The following DEUP1 variants were observed in gnomAD, a reference collection of about 807,000 sequenced individuals.
The protein encoded by DEUP1 is coiled-coil domain containing 67.
Under a neutral mutation model 87.4 loss-of-function variants are expected in DEUP1, and 82 were observed. The observed-to-expected ratio is 0.94, with a 90% CI of 0.78 to 1.13. DEUP1 has a LOEUF of 1.13. Among genes scored for constraint, DEUP1 ranks in the 50% most tolerant of loss-of-function variants. The pLI is 0.00. For synonymous variants in DEUP1, 214 were observed against 222.7 expected, an observed-to-expected ratio of 0.96 and a Z score of 0.35; for missense variants, 663 against 681.5, an observed-to-expected ratio of 0.97 and a Z score of 0.30.
intron 11 of DEUP1, among the ~76,000 whole-genome samples, chr11:93,400,166 G>T (rs1409255683): frequency 1.3e-5 from 2 of 152,154 alleles, no homozygotes; most frequent in East Asian, 3.8e-4. Flanking sequence ...CATAGTCTCA[G>T]TTTGATAGGG....
rs772239014 is a variant in DEUP1, at chr11:93,332,249, A to T, written c.-11A>T. On this transcript the variant is annotated 5_prime_UTR_variant, in exon 2 of 14. Coordinates refer to ENST00000298050, the MANE Select transcript of DEUP1 (RefSeq NM_181645.4). ...TCAAGAAATATAAACCAGATGTAGC[A>T]GTTTCTTGACATGGAGAACCAAGCC... The T allele has an allele frequency of 1.2e-6, 2 of 1,606,440 alleles. No individual in the cohort carries two copies. The highest frequency in any genetic ancestry group is 1.7e-6 in the Non-Finnish European group (2 of 1,175,416).
chr11:93,387,039 T>A (rs796290376), intron 8 of DEUP1, among the ~76,000 whole-genome samples: 1 of 152,174 alleles, frequency 6.6e-6, no homozygotes, highest in Non-Finnish European at 1.5e-5. Flanking sequence ...CAGTAAAAAC[T>A]TTTTTGTTCT....
At chr11:93,347,712 G>C (rs1443589944) in intron 2 of DEUP1, among the ~76,000 whole-genome samples, 1 of 151,958 alleles carries the variant, frequency 6.6e-6, no homozygotes, top group Non-Finnish European at 1.5e-5. Flanking sequence ...TCTGTTCAGA[G>C]ATTCAGTTTT....
chr11:93,428,653 A>T (rs1291170108), intron 13 of DEUP1, among the ~76,000 whole-genome samples: 1 of 152,156 alleles, frequency 6.6e-6, no homozygotes, highest in African/African-American at 2.4e-5. Flanking sequence ...TAAGTGTACA[A>T]TTCCAAGTTT....
chr11:93,396,388 C>A, intron 11 of DEUP1, 63 bp downstream of exon 11: 1 of 1,007,736 alleles, frequency 9.9e-7, no homozygotes, highest in Non-Finnish European at 1.5e-6. Context: ...CACGATTAAC[C>A]TAGACATCAT....
chr11:93,412,314 A>C (rs1034479419), intron 12 of DEUP1, among the ~76,000 whole-genome samples: 12 of 152,346 alleles, frequency 7.9e-5, no homozygotes, highest in South Asian at 4.1e-4. Flanking sequence ...TGTGGAAAAG[A>C]TCATTGAACA....
At chr11:93,355,960 T>C (rs942095042) in intron 3 of DEUP1, among the ~76,000 whole-genome samples, 1 of 152,188 alleles carries the variant, frequency 6.6e-6, no homozygotes, top group African/African-American at 2.4e-5. Flanking sequence ...GAATTGATAA[T>C]AGGACAAAGG....
intron 13 of DEUP1, among the ~76,000 whole-genome samples, chr11:93,427,522 C>G (rs1273755977): frequency 7.9e-5 from 12 of 151,708 alleles, no homozygotes; most frequent in Admixed American, 7.9e-4. Flanking sequence ...CATAAAAACC[C>G]TAGAAGAAAA....
Position 93,371,405 on chromosome 11 carries a change from T to G in DEUP1, c.789+125T>G, listed in dbSNP as rs530106657. On this transcript the variant is annotated intron_variant, in intron 7 of 13. Transcript: ENST00000298050. ...AATATATGTGAAGATTCCATTCATA[T>G]TTCCTCTTAGTAATTCGCACTTGAT... The G allele has an allele frequency of 5.5e-6, 6 of 1,086,458 alleles. No individual in the cohort carries two copies. The African/African-American group carries it at 9.6e-5, about 17-fold the overall frequency. 67.3% of individuals were successfully genotyped at this position (1,086,458 alleles called of 1,614,324 possible). A position where few individuals can be genotyped will look rare whatever the true frequency, so the allele number is the denominator to read the frequency against.
At chr11:93,363,982 G>A (rs1945296780) in intron 4 of DEUP1, among the ~76,000 whole-genome samples, 178 bp from the exon 5 acceptor site, 1 of 151,894 alleles carries the variant, frequency 6.6e-6, no homozygotes, top group South Asian at 2.1e-4. Context: ...ATTGTGTTCA[G>A]CTTCAATAAT....
intron 2 of DEUP1, 139 bp downstream of exon 2, chr11:93,332,427 T>C: frequency 1.6e-6 from 1 of 631,002 alleles, no homozygotes; most frequent in East Asian, 2.8e-5. Flanking sequence ...AGAGGAAATA[T>C]GAAGTGACTG....
Position 93,371,029 on chromosome 11 carries a change from AT to A in DEUP1, c.547-4del, listed in dbSNP as rs1945695132. ...TTCATTTGAGTTACACAGTTTTTAT[AT>A]TTTTCAGAAACAGGCACAAAGTTAC... is the stretch of plus-strand genomic sequence containing the variant. On this transcript the variant is annotated splice_polypyrimidine_tract_variant and splice_region_variant and intron_variant, in intron 6 of 13. Transcript: ENST00000298050. 3 of 1,604,072 alleles carry A rather than the reference AT, an allele frequency of 1.9e-6. No individual in the cohort carries two copies. The highest frequency in any genetic ancestry group is 2.2e-5 in the East Asian group (1 of 44,766).
intron 11 of DEUP1, among the ~76,000 whole-genome samples, chr11:93,398,098 TATA>T (rs1447858470): frequency 6.6e-6 from 1 of 152,100 alleles, no homozygotes; most frequent in Non-Finnish European, 1.5e-5. Flanking sequence ...CTTTTTCAGA[TATA>T]TATACATATA....
In DEUP1 at chr11:93,380,387, GGTTTTGTTTT is replaced by G. The variant is rs370792628; in HGVS notation, c.790-4990_790-4981del. Among the ~76,000 whole-genome samples the G allele has an allele frequency of 7.9e-5, 12 of 151,008 alleles. No homozygotes were observed. The East Asian group carries it at 1.2e-3, about 15-fold the overall frequency. The stretch of plus-strand genomic sequence containing the variant: ...AATTTCATCCTGCTCTGTTTTTTTG[GGTTTTGTTTT>G]GTTTTGTTTTGTTTTGTTTTTGAGA... On this transcript the variant is annotated intron_variant, in intron 7 of 13. Transcript: ENST00000298050.
intron 9 of DEUP1, among the ~76,000 whole-genome samples, chr11:93,394,105 C>G (rs1946861383): frequency 1.3e-5 from 2 of 152,262 alleles, no homozygotes; most frequent in South Asian, 4.1e-4. Flanking sequence ...AGCTTTATGA[C>G]TTTGAGCAAA....
At chr11:93,390,383 C>G (rs1372048025) in intron 9 of DEUP1, among the ~76,000 whole-genome samples, 5 of 152,140 alleles carry the variant, frequency 3.3e-5, no homozygotes, top group Non-Finnish European at 7.4e-5. Flanking sequence ...CAGGTACTGT[C>G]TGCCAAAGAG....
chr11:93,365,814 T>C (rs892005577), intron 5 of DEUP1, among the ~76,000 whole-genome samples: 8 of 152,192 alleles, frequency 5.3e-5, no homozygotes, highest in African/African-American at 1.9e-4. Context: ...CTTATAGCCA[T>C]CTGATAAATT....
chr11:93,396,638 A>C (rs915702852), intron 11 of DEUP1, among the ~76,000 whole-genome samples: 1 of 152,116 alleles, frequency 6.6e-6, no homozygotes, highest in African/African-American at 2.4e-5. Flanking sequence ...GGCCTGATTC[A>C]AGTGCCAATC....
chr11:93,428,109 G>T (rs1947987454), intron 13 of DEUP1, among the ~76,000 whole-genome samples: 1 of 152,212 alleles, frequency 6.6e-6, no homozygotes, highest in African/African-American at 2.4e-5. Context: ...ATACCCAAAG[G>T]ATTATAAATC....
Sources: allele counts gnomAD v4.1 joint callset (sites outside exome capture counted in the v4.1 genomes callset), GRCh38; gene constraint gnomAD v4.1.1; transcripts MANE v1.5; gene names NCBI Gene and HGNC (gene_info 2026-07-23, HGNC 2026-07-21).